Variants in JAK2 observed in about 807,000 individuals in gnomAD.
JAK2 encodes the protein tyrosine-protein kinase JAK2.
Under a neutral mutation model 139.3 loss-of-function variants are expected in JAK2, and 86 were observed. The ratio of observed to expected loss-of-function variants is 0.62; its 90% CI spans 0.52 to 0.74. The LOEUF (loss-of-function observed/expected upper bound fraction) is 0.74. Ranked by LOEUF, JAK2 falls within the 30% of genes least tolerant of loss-of-function variation. The probability of loss-of-function intolerance (pLI) is 0.00; values close to 1 mark genes in which losing one functional copy is unlikely to be tolerated. For missense variants in JAK2, 1,421 were observed against 1,360.3 expected (o/e 1.04, Z -0.70); for synonymous variants, 490 against 437.7 (o/e 1.12, Z -1.49).
intron 6 of JAK2, 83 bp downstream of exon 6, chr9:5,050,914 G>C (rs1415568879): frequency 1.6e-6 from 2 of 1,224,876 alleles, no homozygotes; most frequent in South Asian, 2.7e-5. Flanking sequence ...GTTTACCCAT[G>C]CCTTTTGATT....
chr9:5,024,827 T>C (rs764327473), intron 3 of JAK2, among the ~76,000 whole-genome samples: 4 of 152,098 alleles, frequency 2.6e-5, no homozygotes, highest in Non-Finnish European at 5.9e-5. Context: ...CAGTCCCCAG[T>C]CAGGGCAAAA....
rs558583201 is a variant in JAK2, at chr9:5,122,008, T to C, written c.3060-996T>C. Reference sequence around the variant, plus strand: ...ATATGTAAAATTTGTAAAGACTAAATGTAAAAAGAATATAGCATTAGGATG... The same window carrying C: ...ATATGTAAAATTTGTAAAGACTAAACGTAAAAAGAATATAGCATTAGGATG... On this transcript the variant is annotated intron_variant, in intron 22 of 24. Transcript: ENST00000381652. 2.6e-4 allele frequency among the ~76,000 whole-genome samples: 39 copies of C among 152,226 alleles called. No homozygotes were observed. The South Asian group carries it at 7.9e-3, about 31-fold the overall frequency.
chr9:5,115,890 C>T (rs1381653237), intron 22 of JAK2, among the ~76,000 whole-genome samples: 1 of 152,066 alleles, frequency 6.6e-6, no homozygotes, highest in Non-Finnish European at 1.5e-5. Flanking sequence ...GGGAACATCA[C>T]ACACCAGGGC....
intron 22 of JAK2, chr9:5,114,337 T>C: frequency 1.9e-6 from 1 of 537,346 alleles, no homozygotes; most frequent in South Asian, 1.6e-5. Flanking sequence ...GCTCAGGTCA[T>C]CCTAAGGCAA....
rs1490601459 is a variant in JAK2 at position 5,060,095 on chromosome 9, A to T, written c.1056+4307A>T. 3.3e-5 allele frequency among the ~76,000 whole-genome samples: 5 copies of T among 152,240 alleles called. No individual in the cohort carries two copies. The East Asian group carries it at 9.6e-4, about 29-fold the overall frequency. ...AAAAGTTATGTTTACACTATAATCA[A>T]GTCTACTAAGTGTGCAACAGCATTA... On this transcript the variant is annotated intron_variant, in intron 8 of 24. Transcript: ENST00000381652.
At chr9:5,092,552 T>C (rs899667857) in intron 22 of JAK2, among the ~76,000 whole-genome samples, 2 of 152,020 alleles carry the variant, frequency 1.3e-5, no homozygotes, top group Non-Finnish European at 2.9e-5. Context: ...GACAAAAGAA[T>C]AGGCAATAGA....
At chr9:5,017,402 G>C (rs547801390) in intron 2 of JAK2, among the ~76,000 whole-genome samples, 2 of 152,166 alleles carry the variant, frequency 1.3e-5, no homozygotes, top group South Asian at 4.1e-4. Flanking sequence ...TAAGAACTTC[G>C]TTTAAATTAA....
At chr9:4,985,663 G>A (rs1819905864) in intron 1 of JAK2, 33 bp downstream of exon 1, 1 of 152,550 alleles carries the variant, frequency 6.6e-6, no homozygotes, top group Non-Finnish European at 1.5e-5. Flanking sequence ...TTCTGGGTGG[G>A]GGGCAGCAGC....
chr9:5,066,552 A>G (rs1818583835), intron 9 of JAK2, 126 bp from the exon 10 acceptor site: 1 of 601,750 alleles, frequency 1.7e-6, no homozygotes, highest in African/African-American at 1.9e-5. Context: ...ATTATTGCTA[A>G]ACATATAAAG....
At chr9:5,028,391 G>A (rs903631706) in intron 3 of JAK2, among the ~76,000 whole-genome samples, 1 of 152,284 alleles carries the variant, frequency 6.6e-6, no homozygotes, top group East Asian at 1.9e-4. Flanking sequence ...AGGCTTTGTT[G>A]TCCCATTTAT....
intron 10 of JAK2, among the ~76,000 whole-genome samples, chr9:5,068,166 A>T (rs1209258692): frequency 1.1e-5 from 1 of 90,532 alleles, no homozygotes; most frequent in African/African-American, 8.3e-5. Context: ...CTCAAAAAAA[A>T]ACAACAACAA....
Position 5,129,738 on chromosome 9 carries a change from T to A in JAK2, c.*2947T>A, listed in dbSNP as rs1824221145. On this transcript the variant is annotated 3_prime_UTR_variant, in exon 25 of 25. Transcript: ENST00000381652. ...AACTAGCTGCTAAGCGTTTCATAAT[T>A]CTCACAGTGATATTAGATTTCAAAA... is the stretch of plus-strand genomic sequence containing the variant. 6.6e-6 allele frequency among the ~76,000 whole-genome samples: 1 copy of A among 152,164 alleles called. No homozygotes were observed.
chr9:5,014,074 T>C (rs1271207331), intron 2 of JAK2, among the ~76,000 whole-genome samples: 7 of 152,126 alleles, frequency 4.6e-5, no homozygotes, highest in African/African-American at 1.7e-4. Context: ...TTTGAAAATA[T>C]GAACTTTTAA....
chr9:5,121,571 C>A (rs1489769566), intron 22 of JAK2, among the ~76,000 whole-genome samples: 1 of 152,158 alleles, frequency 6.6e-6, no homozygotes, highest in East Asian at 1.9e-4. Flanking sequence ...TCCTTGATGA[C>A]TGAATTCCCA....
intron 2 of JAK2, among the ~76,000 whole-genome samples, chr9:5,015,121 T>C (rs1174620845): frequency 6.6e-6 from 1 of 152,246 alleles, no homozygotes; most frequent in African/African-American, 2.4e-5. Flanking sequence ...TCATTTATTT[T>C]AACAACTGAG....
Position 5,129,631 on chromosome 9 carries a change from G to GA in JAK2, c.*2847dup, listed in dbSNP as rs1487738373. On this transcript the variant is annotated 3_prime_UTR_variant, in exon 25 of 25. Coordinates refer to ENST00000381652, the MANE Select transcript of JAK2 (RefSeq NM_004972.4). ...GTTTTATGAGATAAGCTTGATTTAA[G>GA]AAAAAAACAATTAAAGTATGAATAT... Among the ~76,000 whole-genome samples, 1 of 151,898 alleles carries GA rather than the reference G, an allele frequency of 6.6e-6. No homozygotes were observed. Among genetic ancestry groups the GA allele is most frequent in the African/African-American group, 2.4e-5 (1 of 41,406 alleles).
chr9:5,108,716 C>G (rs1315378974), intron 22 of JAK2: 1 of 151,956 alleles, frequency 6.6e-6, no homozygotes, highest in Non-Finnish European at 1.5e-5. Flanking sequence ...TCACACTATC[C>G]CTATGAGGGA....
intron 4 of JAK2, among the ~76,000 whole-genome samples, chr9:5,040,671 C>G (rs957210188): frequency 3.3e-5 from 5 of 152,216 alleles, no homozygotes; most frequent in Non-Finnish European, 7.3e-5. Context: ...AGACATTTTT[C>G]CAAATAAGAT....
At chr9:5,057,269 A>T (rs1022060032) in intron 8 of JAK2, among the ~76,000 whole-genome samples, 17 of 152,046 alleles carry the variant, frequency 1.1e-4, no homozygotes, top group African/African-American at 4.1e-4. Context: ...TTATTTATGG[A>T]TATAGGAAAG....
Sources: allele counts gnomAD v4.1 joint callset (sites outside exome capture counted in the v4.1 genomes callset), GRCh38; gene constraint gnomAD v4.1.1; transcripts MANE v1.5; gene names NCBI Gene and HGNC (gene_info 2026-07-23, HGNC 2026-07-21).